The following ZNF532 variants were observed in gnomAD, a reference collection of about 807,000 sequenced individuals.
ZNF532 encodes the protein zinc finger protein 532.
ZNF532 carries 22 observed loss-of-function variants against 89.3 expected under a neutral mutation model. The observed-to-expected ratio is 0.25, with a 90% CI of 0.18 to 0.35. The LOEUF (loss-of-function observed/expected upper bound fraction) is 0.35, where lower values mean the gene tolerates loss of function less well. ZNF532 is among the 10% of genes least tolerant of loss of function. ZNF532 has a pLI of 1.00. For missense variants in ZNF532, 1,132 were observed against 1,643.4 expected, an observed-to-expected ratio of 0.69 and a Z score of 5.38; for synonymous variants, 606 against 649.6, an observed-to-expected ratio of 0.93 and a Z score of 1.02.
At chr18:58,975,366 C>T (rs1425348658) in intron 7 of ZNF532, among the ~76,000 whole-genome samples, 1 of 152,170 alleles carries the variant, frequency 6.6e-6, no homozygotes, top group Admixed American at 6.5e-5. Flanking sequence ...GATGCCTTGC[C>T]AGATCTGGGT....
chr18:58,983,251 T>C (rs920144208), intron 9 of ZNF532, among the ~76,000 whole-genome samples: 25 of 152,058 alleles, frequency 1.6e-4, no homozygotes, highest in Admixed American at 4.6e-4. Flanking sequence ...CAGAGTGGGA[T>C]TTAGAGCCCT....
intron 2 of ZNF532, among the ~76,000 whole-genome samples, chr18:58,912,990 G>T (rs2060373569): frequency 6.6e-6 from 1 of 152,170 alleles, no homozygotes; most frequent in African/African-American, 2.4e-5. Context: ...GAGTGAAGAA[G>T]CATGAGGTCG....
At chr18:58,931,270 AGAGT>A (rs547540407) in intron 3 of ZNF532, among the ~76,000 whole-genome samples, 47 of 152,296 alleles carry the variant, frequency 3.1e-4, no homozygotes, top group Admixed American at 1.2e-3. Flanking sequence ...CTTGTGTAGT[AGAGT>A]GTTAGAATTT....
At chr18:58,947,442 A>G (rs2063762834) in intron 5 of ZNF532, among the ~76,000 whole-genome samples, 1 of 152,348 alleles carries the variant, frequency 6.6e-6, no homozygotes, top group Non-Finnish European at 1.5e-5. Context: ...ACAAGTGAAT[A>G]TTTTAAGTCA....
chr18:58,874,587 C>T (rs8083981), intron 2 of ZNF532, among the ~76,000 whole-genome samples: 13,510 of 152,188 alleles, frequency 0.089, 626 homozygotes, highest in Middle Eastern at 0.16. Context: ...GCGATCCACC[C>T]GCCTTGGCCT....
At chr18:58,864,120 C>G (rs571158523), upstream of ZNF532, 3 of 152,508 alleles carry the variant, frequency 2.0e-5, no homozygotes, top group South Asian at 2.1e-4. Context: ...CCTCCGTGCC[C>G]CCTCTCCCAC....
At chr18:58,908,221 A>C (rs1263104312) in intron 2 of ZNF532, among the ~76,000 whole-genome samples, 3 of 152,210 alleles carry the variant, frequency 2.0e-5, no homozygotes, top group Non-Finnish European at 4.4e-5. Flanking sequence ...CCAGGAACAA[A>C]GGGAATGCTG....
At chr18:58,924,556 C>T (rs1335474592) in intron 3 of ZNF532, among the ~76,000 whole-genome samples, 1 of 152,216 alleles carries the variant, frequency 6.6e-6, no homozygotes, top group African/African-American at 2.4e-5. Context: ...GGTATGACTT[C>T]ATTAGCGGAG....
At chr18:58,924,058 T>C (rs1014051645) in intron 3 of ZNF532, among the ~76,000 whole-genome samples, 2 of 152,214 alleles carry the variant, frequency 1.3e-5, no homozygotes, top group African/African-American at 2.4e-5. Flanking sequence ...GGTTTCACCA[T>C]GTTGGCCGGG....
At chr18:58,975,364 G>A (rs1432248114) in intron 7 of ZNF532, among the ~76,000 whole-genome samples, 1 of 152,198 alleles carries the variant, frequency 6.6e-6, no homozygotes, top group Non-Finnish European at 1.5e-5. Context: ...TGGATGCCTT[G>A]CCAGATCTGG....
rs979175743 is a variant in ZNF532 at position 58,929,180 on chromosome 18, A to AT, written c.2347-5252dup. ...TTCTGCTTCTCTAAGATGTTGAAGCATAGGCTCTTACAGCCGGAGGGACCT... is the reference window on the plus strand; with the variant it reads ...TTCTGCTTCTCTAAGATGTTGAAGCATTAGGCTCTTACAGCCGGAGGGACCT... On this transcript the variant is annotated intron_variant, in intron 3 of 9. Transcript: ENST00000591808. 3.3e-5 allele frequency among the ~76,000 whole-genome samples: 5 copies of AT among 152,226 alleles called. 1 individual carries two copies. Among genetic ancestry groups the AT allele is most frequent in the South Asian group, 2.1e-4 (1 of 4,828 alleles).
intron 2 of ZNF532, among the ~76,000 whole-genome samples, chr18:58,886,808 A>G (rs2058333389): frequency 6.6e-6 from 1 of 152,222 alleles, no homozygotes; most frequent in Non-Finnish European, 1.5e-5. Flanking sequence ...GATATAGCAC[A>G]TAGAGGCCTT....
At chr18:58,896,110 C>A (rs1436114913) in intron 2 of ZNF532, among the ~76,000 whole-genome samples, 1 of 152,170 alleles carries the variant, frequency 6.6e-6, no homozygotes, top group Non-Finnish European at 1.5e-5. Context: ...ACCTCAGCCT[C>A]CCAAAGTGTT....
At chr18:58,933,686 A>G (rs1280230340) in intron 3 of ZNF532, among the ~76,000 whole-genome samples, 2 of 152,166 alleles carry the variant, frequency 1.3e-5, no homozygotes, top group Admixed American at 1.3e-4. Context: ...TAGTGCCTAT[A>G]TCTTAAGAGG....
chr18:58,885,192 T>C (rs1197471504), intron 2 of ZNF532, among the ~76,000 whole-genome samples: 1 of 152,164 alleles, frequency 6.6e-6, no homozygotes, highest in Non-Finnish European at 1.5e-5. Context: ...TTTCTGCATG[T>C]TGGTCAGGCT....
At chr18:58,873,874 G>A (rs1009092534) in intron 2 of ZNF532, among the ~76,000 whole-genome samples, 3 of 152,194 alleles carry the variant, frequency 2.0e-5, no homozygotes, top group African/African-American at 4.8e-5. Flanking sequence ...AAACCTGATT[G>A]CCTGTCAGTG....
rs879779424 is a variant in ZNF532, at chr18:58,941,959, C to CCTCT, written c.2705+2342_2705+2345dup. Among the ~76,000 whole-genome samples the CCTCT allele has an allele frequency of 4.5e-3, 610 of 135,546 alleles. 1 individual carries two copies. Among genetic ancestry groups the CCTCT allele is most frequent in the African/African-American group, 0.016 (588 of 37,244 alleles). 88.9% of individuals were successfully genotyped at this position (135,546 alleles called of 152,430 possible). ...CTTTTCTTCTTTCCTTTCCTCCCTC[C>CCTCT]CTCTCTCCCTCCCTCCCTCCTTCCC... On this transcript the variant is annotated intron_variant, in intron 5 of 9. Coordinates refer to ENST00000591808, the MANE Select transcript of ZNF532 (RefSeq NM_001375912.1).
chr18:58,884,225 C>A (rs1402185819), intron 2 of ZNF532, among the ~76,000 whole-genome samples: 1 of 152,166 alleles, frequency 6.6e-6, no homozygotes, highest in Non-Finnish European at 1.5e-5. Context: ...CTAAAAAATA[C>A]AAAAATTAGC....
chr18:58,986,419 G>A lies in ZNF532; in HGVS notation c.*1953G>A, dbSNP rs2068392139. ...CTAAATCTAATGCTCGCTCTATGTG[G>A]TTATGTACATATTGACAAATATTCA... On this transcript the variant is annotated 3_prime_UTR_variant, in exon 10 of 10. Transcript: ENST00000591808. 6.6e-6 allele frequency: 1 copy of A among 152,592 alleles called. No homozygotes were observed. The highest frequency in any genetic ancestry group is 2.4e-5 in the African/African-American group (1 of 41,414). 9.5% of individuals were successfully genotyped at this position (152,592 alleles called of 1,614,324 possible). A position where few individuals can be genotyped will look rare whatever the true frequency, so the allele number is the denominator to read the frequency against.
Sources: gnomAD v4.1 joint callset for allele counts (sites outside exome capture counted in the v4.1 genomes callset) on GRCh38, gnomAD v4.1.1 for gene constraint, MANE v1.5 for transcripts, NCBI Gene and HGNC (gene_info 2026-07-23, HGNC 2026-07-21) for gene names.